Variants in CPVL observed in about 807,000 individuals in gnomAD.
CPVL encodes the protein carboxypeptidase vitellogenic like.
In CPVL, 51 loss-of-function variants were observed where a neutral mutation model predicts 63.7. The observed-to-expected ratio is 0.80, with a 90% CI of 0.64 to 1.01. CPVL has a LOEUF of 1.01. Among genes scored for constraint, CPVL ranks in the 50% least tolerant of loss-of-function variants. CPVL has a pLI of 0.00. For missense variants in CPVL, 530 were observed against 573.1 expected, an observed-to-expected ratio of 0.92 and a Z score of 0.77; for synonymous variants, 195 against 206.0, an observed-to-expected ratio of 0.95 and a Z score of 0.46.
At chr7:29,001,231 G>A (rs1283820022) in intron 12 of CPVL, 1 of 152,172 alleles carries the variant, frequency 6.6e-6, no homozygotes, top group African/African-American at 2.4e-5. Context: ...GATTTGCAAA[G>A]GTGGTGCTAC....
chr7:29,115,415 A>G (rs557059581), intron 2 of CPVL, among the ~76,000 whole-genome samples: 1 of 152,302 alleles, frequency 6.6e-6, no homozygotes, highest in East Asian at 1.9e-4. Context: ...TGAGGATCTT[A>G]TGAGAAAGAA....
At chr7:29,174,496 C>T (rs1797017065) in intron 5 of CPVL, among the ~76,000 whole-genome samples, 1 of 152,098 alleles carries the variant, frequency 6.6e-6, no homozygotes, top group Non-Finnish European at 1.5e-5. Context: ...GCCATGGGGG[C>T]ACAAAGCAGG....
At position 29,146,416 on chromosome 7, in the gene CPVL, A is replaced by T. The variant is rs971444692; in HGVS notation, c.-11+13T>A. On this transcript the variant is annotated intron_variant, in intron 1 of 12. Transcript: ENST00000265394. ...TGAGCTGGCACGACCCACGCAGGGC[A>T]GGCGGCACTTACGCGGCGCAGTCGG... 64 of 1,018,802 alleles carry T rather than the reference A, an allele frequency of 6.3e-5. 1 individual carries two copies. Among genetic ancestry groups the T allele is most frequent in the Admixed American group, 9.2e-5 (3 of 32,666 alleles). 63.1% of individuals were successfully genotyped at this position (1,018,802 alleles called of 1,614,324 possible).
intron 5 of CPVL, among the ~76,000 whole-genome samples, chr7:29,174,885 A>G (rs1275451885): frequency 6.6e-6 from 1 of 151,896 alleles, no homozygotes; most frequent in Non-Finnish European, 1.5e-5. Context: ...AAGAATTTTT[A>G]GAGAGATACA....
In CPVL at chr7:29,123,323, T is replaced by C. The variant is rs559043109; in HGVS notation, c.-10-2252A>G. Among the ~76,000 whole-genome samples, 15 of 152,062 alleles carry C rather than the reference T, an allele frequency of 9.9e-5. No individual in the cohort carries two copies. The South Asian group carries it at 2.3e-3, about 23-fold the overall frequency. On this transcript the variant is annotated intron_variant, in intron 1 of 12. Transcript: ENST00000265394. ...TAACCCTTGTCATGTCTCTCAGGGT[T>C]AACTTACTAGAATTCCCCACACTTA...
chr7:29,085,729 G>C (rs1025871046), intron 7 of CPVL, among the ~76,000 whole-genome samples: 1 of 152,122 alleles, frequency 6.6e-6, no homozygotes, highest in African/African-American at 2.4e-5. Flanking sequence ...ACCAACAGTG[G>C]GACAAACTGA....
At chr7:29,103,229 G>A (rs1293053532) in intron 3 of CPVL, among the ~76,000 whole-genome samples, 6 of 114,788 alleles carry the variant, frequency 5.2e-5, no homozygotes, top group Non-Finnish European at 7.3e-5. Context: ...GTACTTTTAA[G>A]AAACATAATT....
At chr7:29,165,078 A>G (rs904329920) in intron 5 of CPVL, among the ~76,000 whole-genome samples, 12 of 149,446 alleles carry the variant, frequency 8.0e-5, no homozygotes, top group African/African-American at 2.0e-4. Context: ...CAGTTTGTCA[A>G]TTTCTAAAAA....
intron 2 of CPVL, among the ~76,000 whole-genome samples, chr7:29,115,465 C>G (rs1788689814): frequency 6.6e-6 from 1 of 152,046 alleles, no homozygotes. Context: ...GCCACTCCTC[C>G]CCTCCCACTC....
intron 12 of CPVL, among the ~76,000 whole-genome samples, chr7:29,004,461 G>A (rs1423315157): frequency 1.3e-5 from 2 of 152,174 alleles, no homozygotes; most frequent in Non-Finnish European, 2.9e-5. Flanking sequence ...AAGAATTTCT[G>A]TGTTAATTTC....
chr7:29,175,179 C>CTT (rs141269641), intron 5 of CPVL, among the ~76,000 whole-genome samples: 2 of 143,052 alleles, frequency 1.4e-5, no homozygotes, highest in South Asian at 2.3e-4. Flanking sequence ...TTTCTTTTTC[C>CTT]TTTTTTTTTT....
chr7:29,081,244 A>C (rs1230821622), intron 7 of CPVL: 1 of 152,272 alleles, frequency 6.6e-6, no homozygotes, highest in Non-Finnish European at 1.5e-5. Context: ...AAAGAAAGTT[A>C]ATTATGGGAA....
At chr7:29,000,426 G>A (rs142135115) in intron 12 of CPVL, among the ~76,000 whole-genome samples, 16 of 151,936 alleles carry the variant, frequency 1.1e-4, no homozygotes, top group East Asian at 9.7e-4. Context: ...TGCAGGAGGC[G>A]TGGAAATGCA....
At chr7:29,031,635 T>G (rs892997730) in intron 11 of CPVL, among the ~76,000 whole-genome samples, 5 of 152,172 alleles carry the variant, frequency 3.3e-5, no homozygotes, top group African/African-American at 1.2e-4. Flanking sequence ...AATTTCAACT[T>G]GTAGAATATA....
chr7:29,166,192 A>T (rs1282620254), intron 5 of CPVL, among the ~76,000 whole-genome samples: 1 of 151,682 alleles, frequency 6.6e-6, no homozygotes, highest in Non-Finnish European at 1.5e-5. Flanking sequence ...CACCACATCC[A>T]GTTTTTTTTT....
intron 5 of CPVL, among the ~76,000 whole-genome samples, chr7:29,171,549 TAC>T (rs753573145): frequency 1.3e-5 from 2 of 152,280 alleles, no homozygotes; most frequent in Non-Finnish European, 2.9e-5. Context: ...GCTTTCTTTG[TAC>T]AGAGTTTAAG....
At chr7:29,070,960 T>C (rs767152221) in intron 9 of CPVL, among the ~76,000 whole-genome samples, 1 of 152,218 alleles carries the variant, frequency 6.6e-6, no homozygotes, top group African/African-American at 2.4e-5. Context: ...ACAGAATATG[T>C]GTCTAATAAC....
At chr7:29,194,872 C>A in intron 1 of CPVL, 1 of 1,334,074 alleles carries the variant, frequency 7.5e-7, no homozygotes, top group Non-Finnish European at 9.6e-7. Context: ...CTGCGAGCGG[C>A]CGGGCGAGGG....
intron 2 of CPVL, among the ~76,000 whole-genome samples, chr7:29,185,971 C>T (rs1200418766): frequency 6.6e-6 from 1 of 152,196 alleles, no homozygotes; most frequent in Non-Finnish European, 1.5e-5. Context: ...TTAATTCCTT[C>T]AGTTCCCCAG....
Sources: gnomAD v4.1 joint callset for allele counts (sites outside exome capture counted in the v4.1 genomes callset) on GRCh38, gnomAD v4.1.1 for gene constraint, MANE v1.5 for transcripts, NCBI Gene and HGNC (gene_info 2026-07-23, HGNC 2026-07-21) for gene names.